Variants in SLC35A5 observed in about 807,000 individuals in gnomAD.
The protein encoded by SLC35A5 is solute carrier family 35 member A5, also known as UDP-sugar transporter protein SLC35A5.
Under a neutral mutation model 36.3 loss-of-function variants are expected in SLC35A5, and 28 were observed. The ratio of observed to expected loss-of-function variants is 0.77; its 90% CI spans 0.57 to 1.06. The LOEUF is 1.06. SLC35A5 is among the 50% of genes least tolerant of loss of function. SLC35A5 has a pLI of 0.00. For missense variants in SLC35A5, 521 were observed against 499.3 expected (o/e 1.04, Z -0.41); for synonymous variants, 180 against 173.7 (o/e 1.04, Z -0.29).
rs767801885 is a variant in SLC35A5 at position 112,581,287 on chromosome 3, C to T, written c.1170C>T (p.Ile390=). The part of the protein sequence containing the change: ...VPEYAPRQER[I]RDLSGNLWER... ...AATACGCACCTAGGCAAGAAAGGATCCGAGATCTAAGTGGCAATCTTTGGG... is the reference window on the plus strand; with the variant it reads ...AATACGCACCTAGGCAAGAAAGGATTCGAGATCTAAGTGGCAATCTTTGGG... The change falls in exon 6 of 7, where the codon ATC becomes ATT. Residue 390 remains isoleucine, a synonymous_variant. Transcript: ENST00000492406. 7 of 1,612,308 alleles carry T rather than the reference C, an allele frequency of 4.3e-6. No individual in the cohort carries two copies. The South Asian group carries it at 5.5e-5, about 13-fold the overall frequency.
chr3:112,582,563 A>G, intron 6 of SLC35A5, 108 bp from the exon 7 acceptor site: 1 of 707,546 alleles, frequency 1.4e-6, no homozygotes, highest in South Asian at 1.8e-5. Context: ...ACCAGATTAT[A>G]TCTATAGCTT....
At chr3:112,564,577 CA>C (rs747979323) in intron 2 of SLC35A5, among the ~76,000 whole-genome samples, 3 of 152,228 alleles carry the variant, frequency 2.0e-5, no homozygotes, top group Non-Finnish European at 1.5e-5. Context: ...GTCTCAACTG[CA>C]AAGAGGCGTT....
At chr3:112,579,497 A>G (rs1025735491) in intron 5 of SLC35A5, among the ~76,000 whole-genome samples, 5 of 151,686 alleles carry the variant, frequency 3.3e-5, no homozygotes, top group African/African-American at 9.7e-5. Context: ...AACGCCAATG[A>G]AAGTGAGATA....
chr3:112,570,440 G>A, intron 3 of SLC35A5, 100 bp from the exon 4 acceptor site: 1 of 1,328,398 alleles, frequency 7.5e-7, no homozygotes, highest in Non-Finnish European at 1.0e-6. Context: ...CGTTTATAAA[G>A]CTCCCTTTAA....
chr3:112,582,149 T>C (rs1389264475), intron 6 of SLC35A5, among the ~76,000 whole-genome samples: 1 of 152,188 alleles, frequency 6.6e-6, no homozygotes. Flanking sequence ...TTTCACTCTT[T>C]GGGAAAAATA....
chr3:112,561,581 G>A, upstream of SLC35A5: 1 of 1,565,138 alleles, frequency 6.4e-7, no homozygotes, highest in Non-Finnish European at 8.7e-7. Context: ...GTGCAGCCGT[G>A]TCAGGGGCCA....
chr3:112,576,776 A>G (rs191440194), intron 5 of SLC35A5, among the ~76,000 whole-genome samples: 7 of 152,264 alleles, frequency 4.6e-5, no homozygotes, highest in Admixed American at 2.0e-4. Flanking sequence ...ATGTGCTTTT[A>G]TTACATTTTG....
At chr3:112,563,019 C>T (rs2705564) in intron 1 of SLC35A5, among the ~76,000 whole-genome samples, 1 of 152,024 alleles carries the variant, frequency 6.6e-6, no homozygotes, top group Non-Finnish European at 1.5e-5. Context: ...AAGACCGCGC[C>T]GTTGCACTCC....
chr3:112,561,728 T>C, upstream of SLC35A5: 1 of 578,926 alleles, frequency 1.7e-6, no homozygotes, highest in South Asian at 2.1e-5. Context: ...GAAGACGGGG[T>C]GCGCGATCCT....
chr3:112,581,240 G>T lies in SLC35A5; in HGVS notation c.1123G>T (p.Ala375Ser), dbSNP rs1465459634. Residue 375 changes from alanine to serine, a missense_variant, in exon 6 of 7, where the codon GCC becomes TCC. Ala to Ser is a moderately conservative substitution (Grantham distance 99, BLOSUM62 1). Coordinates refer to ENST00000492406, the MANE Select transcript of SLC35A5 (RefSeq NM_017945.5). Reference sequence around the variant, plus strand: ...CCTTCTCTCTATATTTATTTATAATGCCAGCAAGCCTCAAGTTCCGGAATA... The same window carrying T: ...CCTTCTCTCTATATTTATTTATAATTCCAGCAAGCCTCAAGTTCCGGAATA... Reference protein sequence around the residue: ...SVLLSIFIYNASKPQVPEYAP... With the variant: ...SVLLSIFIYNSSKPQVPEYAP... The T allele has an allele frequency of 1.9e-6, 3 of 1,613,674 alleles. No individual in the cohort carries two copies. Among genetic ancestry groups the T allele is most frequent in the Non-Finnish European group, 2.5e-6 (3 of 1,179,852 alleles).
rs117460274 is a variant in SLC35A5 at position 112,562,769 on chromosome 3, A to T, written c.-20+496A>T. On this transcript the variant is annotated intron_variant, in intron 1 of 6. Coordinates refer to ENST00000492406, the MANE Select transcript of SLC35A5 (RefSeq NM_017945.5). ...CTTACAGCAAAATTATTTACTAATA[A>T]GAGTAAAAGCGAGGCCGGGCGCGGT... Among the ~76,000 whole-genome samples, 22 of 152,384 alleles carry T rather than the reference A, an allele frequency of 1.4e-4. No homozygotes were observed. The East Asian group carries it at 4.2e-3, about 29-fold the overall frequency.
chr3:112,561,537 C>G, upstream of SLC35A5: 1 of 1,527,606 alleles, frequency 6.5e-7, no homozygotes, highest in Non-Finnish European at 8.9e-7. Context: ...ATCCTGGGGC[C>G]GGAGTAGCGG....
chr3:112,573,914 T>G lies in SLC35A5; in HGVS notation c.386T>G (p.Phe129Cys), dbSNP rs1934560990. The change falls in exon 5 of 7, where the codon TTT becomes TGT. Residue 129 changes from phenylalanine to cysteine, a missense_variant. Physicochemically the swap from Phe to Cys is radical, Grantham distance 205. Transcript: ENST00000492406. Reference protein sequence around the residue: ...QPAMAVIFSNFSIITTALLFR... With the variant: ...QPAMAVIFSNCSIITTALLFR... ...GCCATGGCTGTTATCTTCTCAAATT[T>G]TAGCATTATAACAACAGCTCTTCTA... 3 of 1,613,638 alleles carry G rather than the reference T, an allele frequency of 1.9e-6. No homozygotes were observed. Among genetic ancestry groups the G allele is most frequent in the Non-Finnish European group, 2.5e-6 (3 of 1,179,612 alleles).
rs941945496 is a variant in SLC35A5, at chr3:112,562,195, T to C, written c.-98T>C. The C allele has an allele frequency of 5.2e-5, 8 of 152,882 alleles. No individual in the cohort carries two copies. The highest frequency in any genetic ancestry group is 1.9e-4 in the African/African-American group (8 of 41,474). The allele number at this position is 152,882 out of a possible 1,614,324, so 9.5% of individuals were successfully genotyped here. On this transcript the variant is annotated 5_prime_UTR_variant, in exon 1 of 7. Coordinates refer to ENST00000492406, the MANE Select transcript of SLC35A5 (RefSeq NM_017945.5). ...TCCACGTATGGACCCTAAAGGCTAC[T>C]GCTGCTACTACGGGGCTAGACAGTT...
Position 112,580,916 on chromosome 3 carries a change from C to T in SLC35A5, c.799C>T (p.Gln267Ter), listed in dbSNP as rs747367825. The T allele has an allele frequency of 6.2e-6, 10 of 1,614,026 alleles. No homozygotes were observed. Among genetic ancestry groups the T allele is most frequent in the Non-Finnish European group, 5.9e-6 (7 of 1,179,994 alleles). The change falls in exon 6 of 7, where the codon CAG becomes TAG. Residue 267 changes from glutamine (Q) to a stop codon, truncating the protein, a stop_gained. Transcript: ENST00000492406. LOFTEE classifies it high-confidence loss of function. Reference sequence around the variant, plus strand: ...CCAGCTCACTGAAAGCATCTTCATACAGAACAGCAAACTCTATTTCTTTGG... The same window carrying T: ...CCAGCTCACTGAAAGCATCTTCATATAGAACAGCAAACTCTATTTCTTTGG... The part of the protein sequence containing the change: ...GNQLTESIFI[Q>*]NSKLYFFGIL...
chr3:112,577,897 G>A (rs1057411788), intron 5 of SLC35A5, among the ~76,000 whole-genome samples: 1 of 152,036 alleles, frequency 6.6e-6, no homozygotes. Flanking sequence ...AATGTGTTTT[G>A]TACAGTTTCT....
Position 112,584,157 on chromosome 3 carries a change from T to C in SLC35A5, c.*1421T>C, listed in dbSNP as rs1268636041. On this transcript the variant is annotated 3_prime_UTR_variant, in exon 7 of 7. Transcript: ENST00000492406. Reference sequence around the variant, plus strand: ...GTAATTAAAATAATTATTAAACCTATGTCTTGTGTTGCCACTCTGTCATTT... The same window carrying C: ...GTAATTAAAATAATTATTAAACCTACGTCTTGTGTTGCCACTCTGTCATTT... The C allele has an allele frequency of 1.3e-5, 2 of 152,184 alleles. No homozygotes were observed. Among genetic ancestry groups the C allele is most frequent in the Admixed American group, 1.3e-4 (2 of 15,264 alleles). The allele number at this position is 152,184 out of a possible 1,614,324, so 9.4% of individuals were successfully genotyped here.
chr3:112,566,827 G>GGT (rs1426756649), intron 2 of SLC35A5, among the ~76,000 whole-genome samples: 1 of 152,208 alleles, frequency 6.6e-6, no homozygotes, highest in Admixed American at 6.5e-5. Flanking sequence ...AGATGGAGAA[G>GGT]GTATGGTAGC....
chr3:112,570,503 T>C, intron 3 of SLC35A5, 37 bp from the exon 4 acceptor site: 1 of 1,572,622 alleles, frequency 6.4e-7, no homozygotes, highest in South Asian at 1.2e-5. Context: ...ATGTGGGCAT[T>C]CTCATCAAGG....
Sources: gnomAD v4.1 joint callset for allele counts (sites outside exome capture counted in the v4.1 genomes callset) on GRCh38, gnomAD v4.1.1 for gene constraint, MANE v1.5 for transcripts, NCBI Gene and HGNC (gene_info 2026-07-23, HGNC 2026-07-21) for gene names.